Variants in PDS5A observed in about 807,000 individuals in gnomAD.
The protein encoded by PDS5A is sister chromatid cohesion protein PDS5 homolog A.
In PDS5A, 42 loss-of-function variants were observed where a neutral mutation model predicts 167.1. That is an observed-to-expected ratio of 0.25 (90% CI 0.20 to 0.33). PDS5A has a LOEUF of 0.33. PDS5A is among the 10% of genes least tolerant of loss of function. PDS5A has a pLI of 1.00. For missense variants in PDS5A, 1,033 were observed against 1,605.9 expected (o/e 0.64, Z 6.10); for synonymous variants, 553 against 554.6 (o/e 1.00, Z 0.04).
In PDS5A at chr4:39,854,337, A is replaced by C. The variant is rs577017199; in HGVS notation, c.3087-4685T>G. On this transcript the variant is annotated intron_variant, in intron 26 of 32. Coordinates refer to ENST00000303538, the MANE Select transcript of PDS5A (RefSeq NM_001100399.2). ...ACAAAAACAAAAATAAAATGGGAAC[A>C]ACAGTAATTATCCCATTGTTTTGAA... Among the ~76,000 whole-genome samples the C allele has an allele frequency of 4.6e-5, 7 of 152,310 alleles. No homozygotes were observed. The East Asian group carries it at 1.3e-3, about 29-fold the overall frequency.
intron 26 of PDS5A, among the ~76,000 whole-genome samples, chr4:39,851,180 A>G (rs897196963): frequency 5.9e-5 from 9 of 152,204 alleles, no homozygotes; most frequent in African/African-American, 1.9e-4. Flanking sequence ...ATTAGCAAAT[A>G]TTTAATGAGT....
At chr4:39,827,977 G>A (rs1715471409) in intron 32 of PDS5A, among the ~76,000 whole-genome samples, 2 of 152,100 alleles carry the variant, frequency 1.3e-5, no homozygotes. Flanking sequence ...CTGAATGATA[G>A]CCTTAACACA....
intron 2 of PDS5A, among the ~76,000 whole-genome samples, chr4:39,956,260 G>A (rs191586173): frequency 1.3e-5 from 2 of 152,218 alleles, no homozygotes; most frequent in Non-Finnish European, 2.9e-5. Context: ...GGGAGGCTAT[G>A]GCAGGCAAAT....
At chr4:39,852,872 A>G (rs1718231048) in intron 26 of PDS5A, among the ~76,000 whole-genome samples, 1 of 152,206 alleles carries the variant, frequency 6.6e-6, no homozygotes, top group Non-Finnish European at 1.5e-5. Flanking sequence ...CGATTTCCTA[A>G]TTCCTTGGCT....
intron 2 of PDS5A, among the ~76,000 whole-genome samples, chr4:39,964,111 C>T (rs1729756007): frequency 6.6e-6 from 1 of 152,114 alleles, no homozygotes; most frequent in Admixed American, 6.6e-5. Context: ...ATATACTTTT[C>T]ATGGGACAAA....
At chr4:39,973,687 C>T (rs1010210771) in intron 2 of PDS5A, 5 of 1,290,178 alleles carry the variant, frequency 3.9e-6, no homozygotes, top group Admixed American at 3.4e-5. Context: ...TTTAGCTCAG[C>T]GCAAAGAAGA....
chr4:39,855,824 A>G (rs1560429997), intron 26 of PDS5A, among the ~76,000 whole-genome samples: 1 of 152,216 alleles, frequency 6.6e-6, no homozygotes, highest in South Asian at 2.1e-4. Context: ...AAGAAAAACA[A>G]TCTAATGAAC....
chr4:39,869,507 A>T (rs56220210), intron 21 of PDS5A, 45 bp from the exon 22 acceptor site: 21 of 1,216,268 alleles, frequency 1.7e-5, no homozygotes, highest in Non-Finnish European at 2.2e-5. Flanking sequence ...GAAAAAAAAA[A>T]TTTATGTTTT....
chr4:39,949,435 T>C (rs1215855679), intron 2 of PDS5A, among the ~76,000 whole-genome samples: 1 of 151,432 alleles, frequency 6.6e-6, no homozygotes, highest in African/African-American at 2.4e-5. Flanking sequence ...GAAATGTACA[T>C]AGACAAAAAG....
At chr4:39,940,482 G>A (rs1053083816) in intron 2 of PDS5A, among the ~76,000 whole-genome samples, 11 of 152,018 alleles carry the variant, frequency 7.2e-5, no homozygotes, top group Middle Eastern at 3.2e-3. Context: ...AGATATATAA[G>A]AATCTAAAGA....
chr4:39,862,515 T>C (rs1361542859), intron 25 of PDS5A, among the ~76,000 whole-genome samples, 182 bp from the exon 26 acceptor site: 1 of 152,220 alleles, frequency 6.6e-6, no homozygotes, highest in Non-Finnish European at 1.5e-5. Flanking sequence ...GGTATGCAGT[T>C]GTATTTCACT....
intron 28 of PDS5A, 143 bp downstream of exon 28, chr4:39,848,707 TA>T: frequency 1.5e-6 from 1 of 667,248 alleles, no homozygotes; most frequent in Non-Finnish European, 2.6e-6. Context: ...CAGGGCTGTG[TA>T]AGACAATTTC....
chr4:39,867,088 T>A (rs1002331046), intron 22 of PDS5A, 91 bp from the exon 23 acceptor site: 1 of 958,996 alleles, frequency 1.0e-6, no homozygotes, highest in Admixed American at 2.7e-5. Flanking sequence ...AGATTACTCA[T>A]CTCCATCAGC....
intron 26 of PDS5A, among the ~76,000 whole-genome samples, chr4:39,854,597 C>T (rs917565338): frequency 1.3e-5 from 2 of 152,094 alleles, no homozygotes; most frequent in African/African-American, 2.4e-5. Context: ...CTTCTGACTC[C>T]CTGCAAGTGT....
At chr4:39,928,901 T>A (rs1025090971) in intron 2 of PDS5A, among the ~76,000 whole-genome samples, 1 of 151,804 alleles carries the variant, frequency 6.6e-6, no homozygotes, top group Admixed American at 6.6e-5. Flanking sequence ...ATTAACCTGC[T>A]TTTATGGTTA....
At chr4:39,879,422 G>C (rs1263857725) in intron 18 of PDS5A, among the ~76,000 whole-genome samples, 1 of 151,904 alleles carries the variant, frequency 6.6e-6, no homozygotes, top group Non-Finnish European at 1.5e-5. Flanking sequence ...CACATACCCT[G>C]TCCACAAAGT....
At chr4:39,947,001 G>C (rs1727834950) in intron 2 of PDS5A, among the ~76,000 whole-genome samples, 1 of 152,090 alleles carries the variant, frequency 6.6e-6, no homozygotes, top group South Asian at 2.1e-4. Context: ...AGCACTGTGA[G>C]GGGATGAGGT....
chr4:39,850,754 A>G (rs1718055882), intron 26 of PDS5A, among the ~76,000 whole-genome samples: 1 of 152,198 alleles, frequency 6.6e-6, no homozygotes, highest in Non-Finnish European at 1.5e-5. Flanking sequence ...CATTTAACAC[A>G]TTGTGTCTGA....
chr4:39,929,555 A>ATATATATATATATC (rs1725804573), intron 2 of PDS5A, among the ~76,000 whole-genome samples: 1 of 126,830 alleles, frequency 7.9e-6, no homozygotes, highest in African/African-American at 3.1e-5. Context: ...ATATATATAT[A>ATATATATATATATC]TCCCATTAAT....
Sources: gnomAD v4.1 joint callset for allele counts (sites outside exome capture counted in the v4.1 genomes callset) on GRCh38, gnomAD v4.1.1 for gene constraint, MANE v1.5 for transcripts, NCBI Gene and HGNC (gene_info 2026-07-23, HGNC 2026-07-21) for gene names.